The following CTNNA2 variants were observed in gnomAD, a reference collection of about 807,000 sequenced individuals.
CTNNA2 encodes catenin alpha-2.
A neutral mutation model predicts 101.0 loss-of-function variants in CTNNA2; 42 were observed. The ratio of observed to expected loss-of-function variants is 0.42; its 90% confidence interval spans 0.32 to 0.54. The LOEUF (loss-of-function observed/expected upper bound fraction) is 0.54. CTNNA2 is among the 20% of genes least tolerant of loss of function. The probability of loss-of-function intolerance (pLI) is 0.14; values close to 1 mark genes in which losing one functional copy is unlikely to be tolerated. For missense variants in CTNNA2, 871 were observed against 1,223.1 expected, an observed-to-expected ratio of 0.71 and a Z score of 4.29; for synonymous variants, 450 against 456.4, an observed-to-expected ratio of 0.99 and a Z score of 0.18.
chr2:79,398,224 C>T (rs1678252718), intron 4 of CTNNA2, among the ~76,000 whole-genome samples: 1 of 152,078 alleles, frequency 6.6e-6, no homozygotes, highest in South Asian at 2.1e-4. Context: ...TAACTAAAAA[C>T]TAGTCACAAT....
At chr2:79,542,086 A>C (rs1673460673) in intron 1 of CTNNA2, among the ~76,000 whole-genome samples, 3 of 152,004 alleles carry the variant, frequency 2.0e-5, no homozygotes, top group Admixed American at 2.0e-4. Flanking sequence ...ATACTTCTGC[A>C]ACTGAAATGT....
At chr2:80,346,904 A>T (rs895611586) in intron 7 of CTNNA2, among the ~76,000 whole-genome samples, 1 of 152,206 alleles carries the variant, frequency 6.6e-6, no homozygotes, top group African/African-American at 2.4e-5. Flanking sequence ...AAGTTCTAAG[A>T]CAGCAGAATT....
chr2:79,805,435 C>T (rs930176775), intron 3 of CTNNA2, among the ~76,000 whole-genome samples: 1 of 152,100 alleles, frequency 6.6e-6, no homozygotes, highest in African/African-American at 2.4e-5. Flanking sequence ...CACATGAGGT[C>T]AGGTGTGAAA....
At chr2:80,307,149 C>A (rs77084776) in intron 7 of CTNNA2, among the ~76,000 whole-genome samples, 11,592 of 151,212 alleles carry the variant, frequency 0.077, 601 homozygotes, top group African/African-American at 0.13. Context: ...GCCTTTCCCA[C>A]CTCTAATGTG....
chr2:79,949,031 C>T (rs1688700926), intron 7 of CTNNA2, among the ~76,000 whole-genome samples: 1 of 151,878 alleles, frequency 6.6e-6, no homozygotes, highest in Non-Finnish European at 1.5e-5. Context: ...AACCTGTCAG[C>T]CTGATAATCC....
chr2:80,392,988 A>G lies in CTNNA2; in HGVS notation c.1057-223A>G, dbSNP rs17019145. 4.5e-3 allele frequency among the ~76,000 whole-genome samples: 684 copies of G among 152,344 alleles called. 6 individuals are homozygous for G. Among genetic ancestry groups the G allele is most frequent in the African/African-American group, 0.016 (661 of 41,580 alleles). On this transcript the variant is annotated intron_variant, in intron 7 of 18. Transcript: ENST00000402739. ...TTTGTGTGGAGTTGAATATGGACATATGTGTAACCATCCTGAGAACGTATT... is the reference window on the plus strand; with the variant it reads ...TTTGTGTGGAGTTGAATATGGACATGTGTGTAACCATCCTGAGAACGTATT...
intron 12 of CTNNA2, among the ~76,000 whole-genome samples, chr2:80,569,875 C>G (rs1172224258): frequency 1.3e-5 from 2 of 151,696 alleles, no homozygotes; most frequent in East Asian, 3.9e-4. Context: ...ATCTCCTGAC[C>G]TCGTGATCCA....
At chr2:79,792,326 G>A (rs1558933124) in intron 3 of CTNNA2, among the ~76,000 whole-genome samples, 1 of 152,212 alleles carries the variant, frequency 6.6e-6, no homozygotes, top group Non-Finnish European at 1.5e-5. Context: ...GCAGAGGACA[G>A]ACATGTTTGC....
At chr2:79,958,200 C>T (rs994397593) in intron 7 of CTNNA2, among the ~76,000 whole-genome samples, 1 of 152,164 alleles carries the variant, frequency 6.6e-6, no homozygotes, top group Non-Finnish European at 1.5e-5. Context: ...CTCTTCTCTG[C>T]AGCACTTTTT....
At chr2:80,591,016 G>C (rs1337139297) in intron 15 of CTNNA2, among the ~76,000 whole-genome samples, 2 of 152,038 alleles carry the variant, frequency 1.3e-5, no homozygotes, top group African/African-American at 4.8e-5. Flanking sequence ...TCCATTAATA[G>C]CATCACTTGA....
chr2:79,186,337 A>G (rs1052727847), intron 1 of CTNNA2, among the ~76,000 whole-genome samples: 13 of 152,358 alleles, frequency 8.5e-5, no homozygotes, highest in African/African-American at 3.1e-4. Flanking sequence ...CTGGAGCCAC[A>G]TCAAAGGATA....
chr2:79,674,556 A>G lies in CTNNA2; in HGVS notation c.102+22898A>G, dbSNP rs1477257413. Among the ~76,000 whole-genome samples the G allele has an allele frequency of 2.0e-5, 3 of 152,218 alleles. No homozygotes were observed. The East Asian group carries it at 5.8e-4, about 29-fold the overall frequency. ...CATAAAAATGAGAATACCCTATTAG[A>G]TAATAGGGAACTTAGTTAAATAGGG... On this transcript the variant is annotated intron_variant, in intron 2 of 18. Coordinates refer to ENST00000402739, the MANE Select transcript of CTNNA2 (RefSeq NM_001282597.3).
chr2:80,423,990 C>T (rs2149413745), intron 9 of CTNNA2, among the ~76,000 whole-genome samples: 1 of 152,078 alleles, frequency 6.6e-6, no homozygotes, highest in African/African-American at 2.4e-5. Flanking sequence ...GAGTCTCGCA[C>T]TGTCGCCTGG....
At chr2:80,251,455 A>G (rs1367784579) in intron 7 of CTNNA2, among the ~76,000 whole-genome samples, 1 of 152,154 alleles carries the variant, frequency 6.6e-6, no homozygotes, top group African/African-American at 2.4e-5. Flanking sequence ...GGAAATCCAT[A>G]CGAAGAGGGG....
chr2:79,635,809 A>G lies in CTNNA2; in HGVS notation c.-5-15743A>G, dbSNP rs80200672. ...ATGAGCCACCGTGCCCGGCCAATAC[A>G]TAATAGTTCTATTCATTGACATATG... is the stretch of plus-strand genomic sequence containing the variant. On this transcript the variant is annotated intron_variant, in intron 1 of 18. Coordinates refer to ENST00000402739, the MANE Select transcript of CTNNA2 (RefSeq NM_001282597.3). Among the ~76,000 whole-genome samples, 1,088 of 151,774 alleles carry G rather than the reference A, an allele frequency of 7.2e-3. 23 individuals carry two copies. The highest frequency in any genetic ancestry group is 0.024 in the African/African-American group (995 of 41,466).
chr2:79,387,937 C>A (rs967484340), intron 4 of CTNNA2, among the ~76,000 whole-genome samples: 2 of 152,034 alleles, frequency 1.3e-5, no homozygotes, highest in South Asian at 2.1e-4. Context: ...AACCAGAGAG[C>A]CACAGAGAGT....
At chr2:80,421,735 G>A (rs1205039142) in intron 9 of CTNNA2, among the ~76,000 whole-genome samples, 1 of 151,626 alleles carries the variant, frequency 6.6e-6, no homozygotes, top group African/African-American at 2.4e-5. Context: ...GGAGATACAG[G>A]GGCTAGTGTG....
intron 9 of CTNNA2, among the ~76,000 whole-genome samples, chr2:80,530,341 G>A (rs1463369535): frequency 6.6e-6 from 1 of 152,172 alleles, no homozygotes; most frequent in South Asian, 2.1e-4. Flanking sequence ...GCAGTTTGTG[G>A]CCCATAAAAG....
intron 3 of CTNNA2, among the ~76,000 whole-genome samples, chr2:79,336,293 G>A (rs1477283726): frequency 6.6e-6 from 1 of 152,206 alleles, no homozygotes; most frequent in Non-Finnish European, 1.5e-5. Flanking sequence ...AATAGGAGCA[G>A]TGGTGTCATG....
Sources: gnomAD v4.1 joint callset for allele counts (sites outside exome capture counted in the v4.1 genomes callset) on GRCh38, gnomAD v4.1.1 for gene constraint, MANE v1.5 for transcripts, NCBI Gene and HGNC (gene_info 2026-07-23, HGNC 2026-07-21) for gene names.